Variants in CCNH observed in about 807,000 individuals in gnomAD.
CCNH encodes cyclin H.
Under a neutral mutation model 41.9 loss-of-function variants are expected in CCNH, and 31 were observed. The observed-to-expected ratio is 0.74, with a 90% confidence interval of 0.56 to 1.00. The LOEUF (loss-of-function observed/expected upper bound fraction) is 1.00, where lower values mean the gene tolerates loss of function less well. Among genes scored for constraint, CCNH ranks in the 50% least tolerant of loss-of-function variants. The pLI is 0.00. For synonymous variants in CCNH, 138 were observed against 136.1 expected, an observed-to-expected ratio of 1.01 and a Z score of -0.10; for missense variants, 362 against 388.4, an observed-to-expected ratio of 0.93 and a Z score of 0.57.
At chr5:87,315,426 C>T (rs2096738532), downstream of CCNH, among the ~76,000 whole-genome samples, 1 of 152,126 alleles carries the variant, frequency 6.6e-6, no homozygotes, top group African/African-American at 2.4e-5. Flanking sequence ...CCCTGATGAC[C>T]CTATCTAATC....
At chr5:87,394,617 G>T (rs575772375) in intron 8 of CCNH, 133 bp from the exon 9 acceptor site, 6 of 1,490,850 alleles carry the variant, frequency 4.0e-6, no homozygotes, top group South Asian at 2.8e-5. Context: ...AGGAAATTTT[G>T]TAATAGTTCA....
At chr5:87,380,175 T>C (rs996838931), upstream of CCNH, among the ~76,000 whole-genome samples, 19 of 152,156 alleles carry the variant, frequency 1.2e-4, no homozygotes, top group South Asian at 4.1e-4. Flanking sequence ...ACTCTGTTAA[T>C]ATGCTTGTCG....
intron 9 of CCNH, among the ~76,000 whole-genome samples, chr5:87,323,838 G>C (rs1437961226): frequency 6.6e-6 from 1 of 151,866 alleles, no homozygotes; most frequent in Non-Finnish European, 1.5e-5. Flanking sequence ...TTAGCCATCA[G>C]TTCTTTCAGG....
chr5:87,332,024 A>G (rs1320729186), intron 9 of CCNH, among the ~76,000 whole-genome samples: 5 of 152,148 alleles, frequency 3.3e-5, no homozygotes, highest in Admixed American at 6.5e-5. Flanking sequence ...CATCTAATGC[A>G]TATAGTGTTA....
intron 9 of CCNH, among the ~76,000 whole-genome samples, chr5:87,345,264 T>C (rs1218179092): frequency 6.6e-6 from 1 of 152,202 alleles, no homozygotes; most frequent in Admixed American, 6.6e-5. Context: ...GAAAACTCTT[T>C]AGAAAGAGAT....
At chr5:87,387,880 A>T (rs1466248009), downstream of CCNH, among the ~76,000 whole-genome samples, 1 of 152,176 alleles carries the variant, frequency 6.6e-6, no homozygotes, top group Non-Finnish European at 1.5e-5. Context: ...ATTGGAAAAT[A>T]TTTTTACTAT....
downstream of CCNH, chr5:87,390,898 G>A: frequency 6.3e-7 from 1 of 1,594,616 alleles, no homozygotes; most frequent in African/African-American, 1.3e-5. Context: ...CTTCGCCCCA[G>A]TGTTCTGCAT....
chr5:87,385,285 C>T lies in CCNH; in HGVS notation c.*90+7485G>A, dbSNP rs747218208. On this transcript the variant is annotated intron_variant and NMD_transcript_variant, in intron 9 of 9. Transcript: ENST00000645953. ...GTTGGACTTGGTGTCATTAGCTGTG[C>T]CCAATTCTGTTACAGATTCTCCATC... 5 of 1,553,638 alleles carry T rather than the reference C, an allele frequency of 3.2e-6. No homozygotes were observed. In the East Asian group the frequency reaches 1.1e-4, roughly 35 times the overall value.
downstream of CCNH, among the ~76,000 whole-genome samples, chr5:87,389,111 T>G (rs1020989050): frequency 1.3e-4 from 20 of 152,144 alleles, no homozygotes; most frequent in Admixed American, 1.2e-3. Flanking sequence ...ATTAAAAAAA[T>G]TATCTAATAT....
chr5:87,351,376 T>A (rs1440529905), intron 9 of CCNH, among the ~76,000 whole-genome samples: 1 of 151,712 alleles, frequency 6.6e-6, no homozygotes, highest in Non-Finnish European at 1.5e-5. Context: ...ATTCAGGGGA[T>A]ATATAAATGC....
intron 4 of CCNH, among the ~76,000 whole-genome samples, chr5:87,405,947 T>G (rs996476010): frequency 6.6e-6 from 1 of 152,138 alleles, no homozygotes; most frequent in African/African-American, 2.4e-5. Context: ...TATAAACTCA[T>G]GTTCATTGAC....
chr5:87,311,657 A>C, the CCNH span, among the ~76,000 whole-genome samples: 8 of 152,324 alleles, frequency 5.3e-5, no homozygotes, highest in African/African-American at 1.7e-4. Flanking sequence ...AACACGTGTC[A>C]AGTATTGCCA....
intron 9 of CCNH, chr5:87,363,308 A>G (rs1309657733): frequency 1.3e-6 from 2 of 1,509,470 alleles, no homozygotes; most frequent in Non-Finnish European, 9.2e-7. Flanking sequence ...GGATTTCACA[A>G]TTGTTTGGCT....
chr5:87,362,749 ATTTAATAAGT>A, intron 9 of CCNH: 1 of 1,491,996 alleles, frequency 6.7e-7, no homozygotes, highest in Admixed American at 1.7e-5. Context: ...TGTGATATAT[ATTTAATAAGT>A]TTTGACATGA....
downstream of CCNH, among the ~76,000 whole-genome samples, chr5:87,389,052 AATATT>A (rs1180090031): frequency 3.3e-5 from 5 of 152,188 alleles, no homozygotes; most frequent in Admixed American, 2.6e-4. Context: ...ATTAATACTG[AATATT>A]ATATTTCAAT....
chr5:87,395,177 A>T (rs1762842059), intron 7 of CCNH, 73 bp from the exon 8 acceptor site: 13 of 1,341,326 alleles, frequency 9.7e-6, no homozygotes, highest in Non-Finnish European at 1.4e-5. Flanking sequence ...ATAAACTAGC[A>T]AGGCTATAGG....
Position 87,405,025 on chromosome 5 carries a change from A to C in CCNH, c.526-18T>G, listed in dbSNP as rs1223145405. The C allele has an allele frequency of 1.9e-6, 3 of 1,593,484 alleles. No homozygotes were observed. The highest frequency in any genetic ancestry group is 3.5e-5 in the Admixed American group (2 of 57,216). ...TAGCGGGTCTACAAAGAAAGTTTGC[A>C]AATGTTACCATTTCTGAGGGTTTAA... is the stretch of plus-strand genomic sequence containing the variant. On this transcript the variant is annotated intron_variant, in intron 4 of 8. Coordinates refer to ENST00000256897, the MANE Select transcript of CCNH (RefSeq NM_001239.4).
chr5:87,353,004 G>A (rs1759386156), intron 9 of CCNH, among the ~76,000 whole-genome samples: 1 of 151,790 alleles, frequency 6.6e-6, no homozygotes, highest in Non-Finnish European at 1.5e-5. Flanking sequence ...TAATATGAAT[G>A]TTATGATCAT....
intron 9 of CCNH, chr5:87,337,874 C>G: frequency 8.1e-7 from 1 of 1,239,228 alleles, no homozygotes; most frequent in Non-Finnish European, 1.1e-6. Context: ...TTACATTTTT[C>G]AATATAATAC....
Sources: gnomAD v4.1 joint callset for allele counts (sites outside exome capture counted in the v4.1 genomes callset) on GRCh38, gnomAD v4.1.1 for gene constraint, MANE v1.5 for transcripts, NCBI Gene and HGNC (gene_info 2026-07-23, HGNC 2026-07-21) for gene names.